RIC1: variants seen among roughly 807,000 people sequenced by gnomAD.
The protein encoded by RIC1 is guanine nucleotide exchange factor subunit RIC1.
A neutral mutation model predicts 169.0 loss-of-function variants in RIC1; 88 were observed. That is an observed-to-expected ratio of 0.52 (90% CI 0.44 to 0.62). The LOEUF (loss-of-function observed/expected upper bound fraction) is 0.62, where lower values mean the gene tolerates loss of function less well. Among genes scored for constraint, RIC1 ranks in the 20% least tolerant of loss-of-function variants. The pLI is 0.00. For missense variants in RIC1, 1,877 were observed against 1,725.5 expected (o/e 1.09, Z -1.56); for synonymous variants, 790 against 601.5 (o/e 1.31, Z -4.59).
chr9:5,722,881 A>G (rs1332392760), intron 6 of RIC1, among the ~76,000 whole-genome samples: 1 of 152,240 alleles, frequency 6.6e-6, no homozygotes, highest in Non-Finnish European at 1.5e-5. Flanking sequence ...TACAAAGGAC[A>G]TGAACTCATC....
At chr9:5,706,663 G>T (rs1422089490) in intron 3 of RIC1, among the ~76,000 whole-genome samples, 1 of 151,896 alleles carries the variant, frequency 6.6e-6, no homozygotes, top group Non-Finnish European at 1.5e-5. Context: ...TTATTTCCTC[G>T]AGTCAGTTGG....
chr9:5,778,041 C>G (rs1326014612), downstream of RIC1, among the ~76,000 whole-genome samples: 3 of 152,114 alleles, frequency 2.0e-5, no homozygotes, highest in Non-Finnish European at 4.4e-5. Flanking sequence ...TGACATAAAG[C>G]AAATGTGGAG....
chr9:5,765,257 G>A (rs1409450075), intron 19 of RIC1, 157 bp from the exon 20 acceptor site: 15 of 712,132 alleles, frequency 2.1e-5, no homozygotes, highest in Non-Finnish European at 3.2e-5. Flanking sequence ...TACTTGCCTC[G>A]CTTTTCCTTG....
chr9:5,769,827 G>A (rs1017418499), intron 22 of RIC1, among the ~76,000 whole-genome samples: 1 of 152,162 alleles, frequency 6.6e-6, no homozygotes, highest in Admixed American at 6.5e-5. Context: ...TCACTTAGAA[G>A]ATCAACATAA....
At chr9:5,709,179 A>G (rs1323995467) in intron 3 of RIC1, among the ~76,000 whole-genome samples, 1 of 152,204 alleles carries the variant, frequency 6.6e-6, no homozygotes, top group East Asian at 1.9e-4. Context: ...TTATAGGCCA[A>G]AGTAAATCAT....
intron 2 of RIC1, among the ~76,000 whole-genome samples, chr9:5,658,618 T>G (rs1190830341): frequency 6.6e-6 from 1 of 152,014 alleles, no homozygotes; most frequent in Non-Finnish European, 1.5e-5. Context: ...ATCTAAGAAG[T>G]TGTATTAATT....
intron 1 of RIC1, among the ~76,000 whole-genome samples, chr9:5,649,154 A>C (rs1322728045): frequency 6.6e-6 from 1 of 152,146 alleles, no homozygotes; most frequent in African/African-American, 2.4e-5. Flanking sequence ...AAAAAAATTA[A>C]ACTCAAAACT....
At chr9:5,756,189 T>C (rs1826002098) in intron 15 of RIC1, 23 bp from the exon 16 acceptor site, 1 of 1,471,038 alleles carries the variant, frequency 6.8e-7, no homozygotes, top group Non-Finnish European at 9.1e-7. Flanking sequence ...TTTTATAATT[T>C]TCTTCATTTT....
chr9:5,768,842 A>T, intron 21 of RIC1, 128 bp from the exon 22 acceptor site: 2 of 1,015,646 alleles, frequency 2.0e-6, no homozygotes, highest in South Asian at 1.7e-5. Flanking sequence ...CTTTATCTTC[A>T]TTGTCAATCA....
intron 2 of RIC1, among the ~76,000 whole-genome samples, chr9:5,685,094 G>A (rs1360679973): frequency 6.6e-6 from 1 of 151,564 alleles, no homozygotes; most frequent in Non-Finnish European, 1.5e-5. Context: ...GAGGGAAGGA[G>A]AACTACAAAC....
intron 3 of RIC1, among the ~76,000 whole-genome samples, chr9:5,690,737 C>T (rs940857317): frequency 2.6e-5 from 4 of 151,820 alleles, no homozygotes; most frequent in Admixed American, 6.5e-5. Context: ...AAAAGAAAAA[C>T]ATTAACAGCA....
chr9:5,694,715 C>T (rs1340521698), intron 3 of RIC1, among the ~76,000 whole-genome samples: 1 of 151,960 alleles, frequency 6.6e-6, no homozygotes. Flanking sequence ...AATCAGAGAG[C>T]CCTGCACATT....
intron 3 of RIC1, among the ~76,000 whole-genome samples, chr9:5,697,598 C>A (rs997661169): frequency 2.0e-5 from 3 of 152,118 alleles, no homozygotes; most frequent in Non-Finnish European, 4.4e-5. Flanking sequence ...TGTAAGCATT[C>A]CAGTAAACAA....
chr9:5,771,143 C>T (rs924606932), intron 23 of RIC1, among the ~76,000 whole-genome samples: 1 of 152,182 alleles, frequency 6.6e-6, no homozygotes, highest in South Asian at 2.1e-4. Flanking sequence ...CCACATTGTT[C>T]TGCAATCAGC....
intron 2 of RIC1, among the ~76,000 whole-genome samples, chr9:5,668,153 C>T (rs954361704): frequency 4.6e-5 from 7 of 152,088 alleles, no homozygotes; most frequent in Non-Finnish European, 7.4e-5. Flanking sequence ...CATCAGATCT[C>T]GTAAGAACTC....
chr9:5,762,655 A>C lies in RIC1; in HGVS notation c.2107A>C (p.Lys703Gln), dbSNP rs778440898. ...EKDSNPNNQR[K>Q]LLPFCPPVVL... is the part of the protein sequence containing the mutation. ...GGACAGTAACCCTAATAACCAAAGG[A>C]AACTTGTGAGTAAAGTACTAGTCAT... Residue 703 changes from lysine to glutamine, a missense_variant, in exon 18 of 26, where the codon AAA becomes CAA. Physicochemically the swap from Lys to Gln is moderately conservative, Grantham distance 53. Around this residue, in one of 3 missense-constraint regions of RIC1, gnomAD observed 1,104 missense variants for 992.0 expected, o/e 1.11. Coordinates refer to ENST00000414202, the MANE Select transcript of RIC1 (RefSeq NM_020829.4). 5.6e-6 allele frequency: 9 copies of C among 1,613,642 alleles called. No individual in the cohort carries two copies. Among genetic ancestry groups the C allele is most frequent in the Non-Finnish European group, 7.6e-6 (9 of 1,179,740 alleles).
intron 1 of RIC1, among the ~76,000 whole-genome samples, chr9:5,636,611 T>G (rs7041242): frequency 0.17 from 25,756 of 152,028 alleles, 4,236 homozygotes; most frequent in African/African-American, 0.43. Flanking sequence ...GAGCCACCAC[T>G]CCCAGCCATG....
chr9:5,656,428 T>G (rs1819102486), intron 1 of RIC1, among the ~76,000 whole-genome samples, 155 bp from the exon 2 acceptor site: 1 of 152,226 alleles, frequency 6.6e-6, no homozygotes, highest in African/African-American at 2.4e-5. Flanking sequence ...TTGGTTGATA[T>G]GCTTGCAATG....
intron 1 of RIC1, among the ~76,000 whole-genome samples, chr9:5,638,594 T>C (rs968886697): frequency 6.6e-6 from 1 of 152,224 alleles, no homozygotes; most frequent in Non-Finnish European, 1.5e-5. Flanking sequence ...GATTTATCCA[T>C]TTCCTCTAGA....
Sources: allele counts gnomAD v4.1 joint callset (sites outside exome capture counted in the v4.1 genomes callset), GRCh38; gene constraint gnomAD v4.1.1; regional missense constraint gnomAD v4.1.1; transcripts MANE v1.5; gene names NCBI Gene and HGNC (gene_info 2026-07-23, HGNC 2026-07-21).